MAGI2: variants seen among roughly 807,000 people sequenced by gnomAD.
The protein encoded by MAGI2 is membrane-associated guanylate kinase, WW and PDZ domain-containing protein 2.
A neutral mutation model predicts 133.3 loss-of-function variants in MAGI2; 35 were observed. The observed-to-expected ratio is 0.26, with a 90% confidence interval of 0.20 to 0.35. The LOEUF is 0.35. Ranked by LOEUF, MAGI2 falls within the 10% of genes least tolerant of loss-of-function variation. The pLI, the probability that MAGI2 is intolerant of heterozygous loss-of-function variation, is 1.00. For synonymous variants in MAGI2, 729 were observed against 710.6 expected (o/e 1.03, Z -0.41); for missense variants, 1,636 against 1,863.4 (o/e 0.88, Z 2.25).
intron 1 of MAGI2, among the ~76,000 whole-genome samples, chr7:79,141,539 A>G (rs1278216760): frequency 6.6e-6 from 1 of 152,176 alleles, no homozygotes; most frequent in Admixed American, 6.5e-5. Flanking sequence ...CACCATTGTT[A>G]TTCTAACTTT....
chr7:79,247,056 AT>A (rs1832877968), intron 1 of MAGI2, among the ~76,000 whole-genome samples: 1 of 152,200 alleles, frequency 6.6e-6, no homozygotes, highest in Non-Finnish European at 1.5e-5. Context: ...TCCAGTAAAA[AT>A]ATCCTCAAAC....
At chr7:78,894,921 G>T (rs1240542471) in intron 2 of MAGI2, among the ~76,000 whole-genome samples, 1 of 152,082 alleles carries the variant, frequency 6.6e-6, no homozygotes, top group Non-Finnish European at 1.5e-5. Context: ...TTGAAACAGA[G>T]ATCTTAAGTA....
intron 1 of MAGI2, among the ~76,000 whole-genome samples, chr7:79,290,374 T>C (rs924195305): frequency 7.1e-6 from 1 of 140,590 alleles, no homozygotes; most frequent in Non-Finnish European, 1.6e-5. Flanking sequence ...ATATGTACTA[T>C]GTACATAATC....
chr7:78,501,157 T>A (rs1794586144), intron 5 of MAGI2, among the ~76,000 whole-genome samples: 1 of 152,236 alleles, frequency 6.6e-6, no homozygotes, highest in South Asian at 2.1e-4. Flanking sequence ...TTTAAATAGT[T>A]GCATTTTATT....
At chr7:78,451,946 A>G (rs1192778691) in intron 6 of MAGI2, among the ~76,000 whole-genome samples, 6 of 152,066 alleles carry the variant, frequency 3.9e-5, no homozygotes, top group Non-Finnish European at 7.4e-5. Flanking sequence ...ATATTTCACA[A>G]TGGAGAATCA....
At chr7:78,787,404 G>GTTAT (rs948101488) in intron 2 of MAGI2, among the ~76,000 whole-genome samples, 1 of 152,162 alleles carries the variant, frequency 6.6e-6, no homozygotes, top group African/African-American at 2.4e-5. Flanking sequence ...ATCTCATTAA[G>GTTAT]TTATCTCAGG....
At position 78,410,766 on chromosome 7, in the gene MAGI2, T is replaced by C. The variant is rs186663090; in HGVS notation, c.1046-41553A>G. The stretch of plus-strand genomic sequence containing the variant: ...GGAAAAAAAAGCAAGTGAAGAATTA[T>C]GGCAGATTCTGTGGGAAAGAAGACC... On this transcript the variant is annotated intron_variant, in intron 6 of 21. Transcript: ENST00000354212. Among the ~76,000 whole-genome samples, 49 of 152,076 alleles carry C rather than the reference T, an allele frequency of 3.2e-4. No individual in the cohort carries two copies. The East Asian group carries it at 8.9e-3, about 28-fold the overall frequency.
chr7:79,436,804 T>A (rs1848174073), intron 1 of MAGI2, among the ~76,000 whole-genome samples: 1 of 152,134 alleles, frequency 6.6e-6, no homozygotes, highest in Non-Finnish European at 1.5e-5. Flanking sequence ...CTAAAAGTAA[T>A]AAAAATAGAA....
intron 3 of MAGI2, among the ~76,000 whole-genome samples, chr7:78,607,498 T>TAAAAA (rs11318579): frequency 2.1e-5 from 3 of 139,590 alleles, no homozygotes; most frequent in African/African-American, 8.0e-5. Flanking sequence ...AAGTCAAACT[T>TAAAAA]AAAAAAAAAA....
At chr7:78,069,943 T>G (rs1284932568) in intron 21 of MAGI2, among the ~76,000 whole-genome samples, 1 of 151,938 alleles carries the variant, frequency 6.6e-6, no homozygotes, top group Admixed American at 6.6e-5. Flanking sequence ...TTTTCCAAGA[T>G]GTACATGGGT....
intron 9 of MAGI2, among the ~76,000 whole-genome samples, chr7:78,276,688 CATATT>C (rs1795095027): frequency 6.6e-6 from 1 of 152,048 alleles, no homozygotes; most frequent in African/African-American, 2.4e-5. Flanking sequence ...AGTTACCTTA[CATATT>C]ATATGTATAT....
chr7:78,357,820 T>C (rs199622655), intron 7 of MAGI2, among the ~76,000 whole-genome samples: 9 of 152,048 alleles, frequency 5.9e-5, no homozygotes, highest in African/African-American at 1.7e-4. Flanking sequence ...TTCTTTACAA[T>C]TGTAGTTTGG....
chr7:79,289,313 T>G (rs1350746500), intron 1 of MAGI2, among the ~76,000 whole-genome samples: 2 of 152,116 alleles, frequency 1.3e-5, no homozygotes, highest in Admixed American at 6.6e-5. Flanking sequence ...CCACTAAAAA[T>G]TAACTGGGAG....
chr7:78,049,390 C>A (rs1023335618), intron 21 of MAGI2, among the ~76,000 whole-genome samples: 10 of 152,150 alleles, frequency 6.6e-5, no homozygotes, highest in African/African-American at 2.4e-4. Flanking sequence ...GGGCTAAGGC[C>A]CAGAGTTGAA....
intron 3 of MAGI2, among the ~76,000 whole-genome samples, chr7:78,524,260 G>T (rs1224112545): frequency 6.6e-6 from 1 of 152,124 alleles, no homozygotes; most frequent in African/African-American, 2.4e-5. Flanking sequence ...ACCCCGCCCC[G>T]GCAGAAAGGG....
At chr7:79,324,270 C>T (rs1026870755) in intron 1 of MAGI2, among the ~76,000 whole-genome samples, 2 of 151,290 alleles carry the variant, frequency 1.3e-5, no homozygotes, top group Non-Finnish European at 2.9e-5. Context: ...CTGAAGCTAG[C>T]ACTATGTAAG....
rs574822091 is a variant in MAGI2, at chr7:78,482,602, C to T, written c.1045+7159G>A. Among the ~76,000 whole-genome samples the T allele has an allele frequency of 5.3e-5, 8 of 152,016 alleles. No homozygotes were observed. The South Asian group carries it at 1.7e-3, about 31-fold the overall frequency. On this transcript the variant is annotated intron_variant, in intron 6 of 21. Coordinates refer to ENST00000354212, the MANE Select transcript of MAGI2 (RefSeq NM_012301.4). ...AAAAGTAGCAAACTATTGATACACA[C>T]ACTAGAATGTATTTCAAGAGAATTA...
chr7:78,837,161 C>A (rs931729722), intron 2 of MAGI2, among the ~76,000 whole-genome samples: 2 of 152,102 alleles, frequency 1.3e-5, no homozygotes, highest in African/African-American at 4.8e-5. Context: ...CTTGTTAACT[C>A]AAAATTCTCT....
intron 20 of MAGI2, among the ~76,000 whole-genome samples, chr7:78,108,566 C>T (rs1175586483): frequency 1.3e-5 from 2 of 152,100 alleles, no homozygotes; most frequent in African/African-American, 2.4e-5. Context: ...TTGCTGAAAG[C>T]AGGGTGTTGA....
Sources: allele counts gnomAD v4.1 joint callset (sites outside exome capture counted in the v4.1 genomes callset), GRCh38; gene constraint gnomAD v4.1.1; transcripts MANE v1.5; gene names NCBI Gene and HGNC (gene_info 2026-07-23, HGNC 2026-07-21).